The following RNF220 variants were observed in gnomAD, a reference collection of about 807,000 sequenced individuals.
RNF220 encodes the protein E3 ubiquitin-protein ligase RNF220.
RNF220 carries 7 observed loss-of-function variants against 67.1 expected under a neutral mutation model. The ratio of observed to expected loss-of-function variants is 0.10; its 90% CI spans 0.06 to 0.20. RNF220 has a LOEUF of 0.20. Ranked by LOEUF, RNF220 falls within the 10% of genes least tolerant of loss-of-function variation. The pLI is 1.00. For missense variants in RNF220, 565 were observed against 740.3 expected (o/e 0.76, Z 2.75); for synonymous variants, 270 against 283.2 (o/e 0.95, Z 0.47).
chr1:44,633,686 T>G (rs1357873639), intron 6 of RNF220, among the ~76,000 whole-genome samples: 1 of 152,206 alleles, frequency 6.6e-6, no homozygotes, highest in African/African-American at 2.4e-5. Context: ...TCCTTAGTCA[T>G]TGAACATTGT....
intron 2 of RNF220, among the ~76,000 whole-genome samples, chr1:44,603,897 C>G (rs114327417): frequency 7.1e-4 from 108 of 152,376 alleles, no homozygotes; most frequent in African/African-American, 2.5e-3. Flanking sequence ...CACGGTCCAC[C>G]CATCAGCCTA....
intron 2 of RNF220, 71 bp from the exon 3 acceptor site, chr1:44,614,094 G>A (rs2148428827): frequency 2.5e-6 from 4 of 1,595,106 alleles, no homozygotes; most frequent in Non-Finnish European, 3.4e-6. Flanking sequence ...TGGGTTTCAG[G>A]ACTGGGATGC....
At chr1:44,468,591 G>T (rs1384366783) in intron 2 of RNF220, among the ~76,000 whole-genome samples, 1 of 152,146 alleles carries the variant, frequency 6.6e-6, no homozygotes, top group East Asian at 1.9e-4. Flanking sequence ...ATAATCTTTT[G>T]TATCTTTTAA....
In RNF220 at chr1:44,545,413, C is replaced by T. The variant is rs1662049269; in HGVS notation, c.626-68752C>T. The stretch of plus-strand genomic sequence containing the variant: ...CTTTACATCCATTATCTAATTTTAT[C>T]CTCAGGCACTCAGCAAGGCAGTTCA... On this transcript the variant is annotated intron_variant, in intron 2 of 14. Transcript: ENST00000361799. The T allele has an allele frequency of 3.2e-5, 5 of 154,160 alleles. 1 individual carries two copies. In the South Asian group the frequency reaches 8.1e-4, roughly 25 times the overall value. The allele number at this position is 154,160 out of a possible 1,614,324, so 9.5% of individuals were successfully genotyped here.
chr1:44,482,894 T>TGTAAGAGTG (rs1655951462), intron 2 of RNF220, among the ~76,000 whole-genome samples: 1 of 151,104 alleles, frequency 6.6e-6, no homozygotes, highest in African/African-American at 2.4e-5. Flanking sequence ...GTGCTGGGAT[T>TGTAAGAGTG]GTAAGAGTGA....
chr1:44,584,298 G>C (rs1281845390), intron 2 of RNF220, among the ~76,000 whole-genome samples: 9 of 152,226 alleles, frequency 5.9e-5, no homozygotes, highest in Admixed American at 5.9e-4. Flanking sequence ...TCATCAGGGC[G>C]GGTCAAGCTA....
chr1:44,422,917 A>G (rs1403928543), intron 2 of RNF220, among the ~76,000 whole-genome samples: 1 of 152,178 alleles, frequency 6.6e-6, no homozygotes, highest in Non-Finnish European at 1.5e-5. Flanking sequence ...TTGCCATATC[A>G]TTGGTCAAAT....
intron 2 of RNF220, among the ~76,000 whole-genome samples, chr1:44,440,340 G>A (rs967095720): frequency 3.3e-5 from 5 of 152,216 alleles, no homozygotes; most frequent in African/African-American, 1.2e-4. Flanking sequence ...ACTGAAAAGG[G>A]TTCACTCTAG....
chr1:44,500,649 C>A (rs143235253), intron 2 of RNF220, among the ~76,000 whole-genome samples: 1 of 152,206 alleles, frequency 6.6e-6, no homozygotes, highest in Admixed American at 6.5e-5. Flanking sequence ...TCCTCCCCAG[C>A]GGCTGCAGCT....
intron 2 of RNF220, among the ~76,000 whole-genome samples, chr1:44,567,587 C>A (rs930052425): frequency 6.6e-6 from 1 of 151,938 alleles, no homozygotes; most frequent in African/African-American, 2.4e-5. Context: ...GAGAGCCTAC[C>A]CTTACTGGGG....
intron 2 of RNF220, among the ~76,000 whole-genome samples, chr1:44,525,673 G>A (rs1660313684): frequency 6.6e-6 from 1 of 152,084 alleles, no homozygotes; most frequent in African/African-American, 2.4e-5. Flanking sequence ...TATTCAGCAG[G>A]AACGTTGGCA....
chr1:44,524,569 G>A (rs1256949311), intron 2 of RNF220, among the ~76,000 whole-genome samples: 1 of 152,152 alleles, frequency 6.6e-6, no homozygotes, highest in Non-Finnish European at 1.5e-5. Flanking sequence ...CACGAATGCA[G>A]GCTGGTCTAT....
Position 44,650,815 on chromosome 1 carries a change from C to A in RNF220, c.*40C>A. 1 of 1,582,164 alleles carries A rather than the reference C, an allele frequency of 6.3e-7. No homozygotes were observed. Among genetic ancestry groups the A allele is most frequent in the Non-Finnish European group, 8.7e-7 (1 of 1,154,142 alleles). On this transcript the variant is annotated 3_prime_UTR_variant, in exon 15 of 15. Coordinates refer to ENST00000361799, the MANE Select transcript of RNF220 (RefSeq NM_018150.4). This position sits in a 1 kb window ranked among gnomAD's most constrained non-coding sequence, Gnocchi z 4.3. Reference sequence around the variant, plus strand: ...GCAGGCCTCGCCTCCAGCAGCCCCACCTGCCCCCAGCCTCTGTGACAGTGA... The same window carrying A: ...GCAGGCCTCGCCTCCAGCAGCCCCAACTGCCCCCAGCCTCTGTGACAGTGA...
intron 2 of RNF220, among the ~76,000 whole-genome samples, chr1:44,505,987 C>T (rs951965792): frequency 6.6e-6 from 1 of 152,144 alleles, no homozygotes; most frequent in African/African-American, 2.4e-5. Flanking sequence ...CCCATCATAC[C>T]CCCTTATTTC....
chr1:44,424,495 C>T (rs1337528237), intron 2 of RNF220, among the ~76,000 whole-genome samples: 2 of 151,944 alleles, frequency 1.3e-5, no homozygotes, highest in African/African-American at 2.4e-5. Flanking sequence ...GTGAAAGTCT[C>T]GGGGGAAGGT....
chr1:44,406,953 C>G (rs1465281610), intron 1 of RNF220, among the ~76,000 whole-genome samples: 2 of 152,208 alleles, frequency 1.3e-5, no homozygotes, highest in Admixed American at 6.5e-5. Context: ...GTAGCGGGGA[C>G]TAGGGCAGCC....
At chr1:44,512,815 G>T (rs1029960731) in intron 2 of RNF220, among the ~76,000 whole-genome samples, 1 of 152,186 alleles carries the variant, frequency 6.6e-6, no homozygotes, top group Non-Finnish European at 1.5e-5. Context: ...AAGAGCGGCT[G>T]TCTCAGGTGG....
chr1:44,503,059 C>T (rs753757789), intron 2 of RNF220, among the ~76,000 whole-genome samples: 19 of 151,990 alleles, frequency 1.3e-4, no homozygotes, highest in Non-Finnish European at 1.9e-4. Flanking sequence ...AAGGGCCAGG[C>T]GCAGTGGCTC....
chr1:44,412,743 C>T lies in RNF220; in HGVS notation c.625+21C>T, dbSNP rs1393976744. On this transcript the variant is annotated intron_variant, in intron 2 of 14. Transcript: ENST00000361799. The surrounding 1 kb of genome is among the most constrained non-coding windows in gnomAD (Gnocchi z 5.3). ...CAGATGTAAGTACTTTGGTTCCAGCCCTCCCTTACCCCCAGTAAGCCCTGC... is the reference window on the plus strand; with the variant it reads ...CAGATGTAAGTACTTTGGTTCCAGCTCTCCCTTACCCCCAGTAAGCCCTGC... 5 of 1,600,500 alleles carry T rather than the reference C, an allele frequency of 3.1e-6. No homozygotes were observed. Among genetic ancestry groups the T allele is most frequent in the Admixed American group, 3.4e-5 (2 of 59,136 alleles).
Sources: allele counts gnomAD v4.1 joint callset (sites outside exome capture counted in the v4.1 genomes callset), GRCh38; gene constraint gnomAD v4.1.1; non-coding constraint Gnocchi (gnomAD v3.1); transcripts MANE v1.5; gene names NCBI Gene and HGNC (gene_info 2026-07-23, HGNC 2026-07-21).